XNDC1N: variants seen among roughly 807,000 people sequenced by gnomAD.
The protein encoded by XNDC1N is XRCC1 N-terminal domain containing 1, N-terminal like.
the XNDC1N span, among the ~76,000 whole-genome samples, chr11:71,910,391 A>C: frequency 6.6e-6 from 1 of 152,182 alleles, no homozygotes; most frequent in Non-Finnish European, 1.5e-5. Context: ...TTCAGTGGGA[A>C]GATCCGGAGT....
chr11:71,889,216 T>A, the XNDC1N span, among the ~76,000 whole-genome samples: 1 of 152,186 alleles, frequency 6.6e-6, no homozygotes, highest in African/African-American at 2.4e-5. Context: ...TGGAGCGTGA[T>A]AGAAAGAAAA....
chr11:71,923,450 G>C, the XNDC1N span: 1 of 667,398 alleles, frequency 1.5e-6, no homozygotes, highest in Non-Finnish European at 2.7e-6. Context: ...TTAGCTTCCA[G>C]AAAAGCAAGA....
the XNDC1N span, among the ~76,000 whole-genome samples, chr11:71,888,626 G>A: frequency 2.6e-5 from 4 of 152,184 alleles, no homozygotes; most frequent in Non-Finnish European, 4.4e-5. Flanking sequence ...ACAACTAGAC[G>A]GGGTTTCTAA....
the XNDC1N span, chr11:71,928,335 T>G: frequency 1.6e-6 from 1 of 630,460 alleles, no homozygotes; most frequent in Admixed American, 2.5e-5. Context: ...GCCACTCCCC[T>G]CCCCATCAAC....
chr11:71,876,194 G>T, the XNDC1N span, among the ~76,000 whole-genome samples: 322 of 152,250 alleles, frequency 2.1e-3, 4 homozygotes, highest in Non-Finnish European at 2.4e-3. Context: ...TCTTCCTGGA[G>T]AGTTATGTGC....
chr11:71,914,426 C>A, the XNDC1N span: 40 of 454,798 alleles, frequency 8.8e-5, no homozygotes, highest in Non-Finnish European at 1.6e-4. Flanking sequence ...GTGGCTCATG[C>A]CTGTAATCCC....
At chr11:71,879,599 GT>G in the XNDC1N span, among the ~76,000 whole-genome samples, 1 of 151,810 alleles carries the variant, frequency 6.6e-6, no homozygotes, top group South Asian at 2.1e-4. Flanking sequence ...ATGTTAGTGG[GT>G]TTTTTATATT....
the XNDC1N span, among the ~76,000 whole-genome samples, chr11:71,879,238 T>A: frequency 6.6e-6 from 1 of 152,156 alleles, no homozygotes; most frequent in African/African-American, 2.4e-5. Flanking sequence ...TAAAGTTGAA[T>A]AAAACTCATA....
At chr11:71,878,076 G>A in the XNDC1N span, among the ~76,000 whole-genome samples, 3 of 152,192 alleles carry the variant, frequency 2.0e-5, no homozygotes, top group South Asian at 2.1e-4. Context: ...GTTGTATTAC[G>A]TGGTTCTTCC....
At chr11:71,894,995 T>C in the XNDC1N span, among the ~76,000 whole-genome samples, 1 of 152,216 alleles carries the variant, frequency 6.6e-6, no homozygotes, top group Non-Finnish European at 1.5e-5. Flanking sequence ...TGTAGAGAGA[T>C]CCATGTCGCC....
chr11:71,924,948 G>A, the XNDC1N span, among the ~76,000 whole-genome samples: 1 of 151,990 alleles, frequency 6.6e-6, no homozygotes, highest in African/African-American at 2.4e-5. Flanking sequence ...ATGAGTCCGT[G>A]ACTCTTGATA....
chr11:71,902,483 G>T, the XNDC1N span, among the ~76,000 whole-genome samples: 2 of 152,146 alleles, frequency 1.3e-5, no homozygotes, highest in Non-Finnish European at 2.9e-5. Flanking sequence ...GAGCCACCGC[G>T]TCCGGCCAAA....
At chr11:71,903,093 T>G in the XNDC1N span, 3 of 576,740 alleles carry the variant, frequency 5.2e-6, no homozygotes, top group Non-Finnish European at 9.5e-6. Flanking sequence ...TGTGAATTGC[T>G]TCTATCCAAA....
At chr11:71,866,484 T>C in the XNDC1N span, among the ~76,000 whole-genome samples, 5 of 152,320 alleles carry the variant, frequency 3.3e-5, no homozygotes, top group East Asian at 9.6e-4. Flanking sequence ...TTTATTGTTA[T>C]ATAAAGGCAA....
the XNDC1N span, among the ~76,000 whole-genome samples, chr11:71,896,174 A>G: frequency 1.3e-5 from 2 of 152,148 alleles, no homozygotes; most frequent in Non-Finnish European, 2.9e-5. Context: ...AGCTACTCGG[A>G]GGGCTGAGGC....
At chr11:71,904,264 C>T in the XNDC1N span, among the ~76,000 whole-genome samples, 1 of 152,142 alleles carries the variant, frequency 6.6e-6, no homozygotes, top group Non-Finnish European at 1.5e-5. Flanking sequence ...AATATACTGT[C>T]ACAGAGTACA....
the XNDC1N span, among the ~76,000 whole-genome samples, chr11:71,886,873 A>G: frequency 4.2e-4 from 64 of 152,308 alleles, no homozygotes; most frequent in African/African-American, 1.4e-3. Context: ...AGGGGCCCCC[A>G]CAAAGAGGCA....
chr11:71,876,609 C>T, the XNDC1N span, among the ~76,000 whole-genome samples: 2 of 152,104 alleles, frequency 1.3e-5, no homozygotes, highest in Non-Finnish European at 2.9e-5. Context: ...ATGGCAAAAA[C>T]CACAATTACA....
At chr11:71,875,553 A>G in the XNDC1N span, among the ~76,000 whole-genome samples, 1 of 152,174 alleles carries the variant, frequency 6.6e-6, no homozygotes, top group Non-Finnish European at 1.5e-5. Flanking sequence ...TGGGGTAAGA[A>G]GTGAATGAAA....
Sources: allele counts gnomAD v4.1 joint callset (sites outside exome capture counted in the v4.1 genomes callset), GRCh38; gene constraint gnomAD v4.1.1; transcripts MANE v1.5; gene names NCBI Gene and HGNC (gene_info 2026-07-23, HGNC 2026-07-21).